Variants in PRICKLE1 observed in about 807,000 individuals in gnomAD.
The protein encoded by PRICKLE1 is prickle-like protein 1.
Under a neutral mutation model 70.2 loss-of-function variants are expected in PRICKLE1, and 14 were observed. The observed-to-expected ratio is 0.20, with a 90% CI of 0.13 to 0.31. The LOEUF is 0.31. Among genes scored for constraint, PRICKLE1 ranks in the 10% least tolerant of loss-of-function variants. The pLI is 1.00. For missense variants in PRICKLE1, 821 were observed against 1,026.2 expected, an observed-to-expected ratio of 0.80 and a Z score of 2.73; for synonymous variants, 357 against 379.9, an observed-to-expected ratio of 0.94 and a Z score of 0.70.
rs370013528 is a variant in PRICKLE1 at position 42,465,011 on chromosome 12, C to G, written c.1023G>C (p.Arg341=). ...GAGACTGTCTACACTGATCTGCTGA[C>G]CGGCTGCTCTTGCCCATTCGGACAC... ...RRSVRMGKSS[R]SADQCRQSLL... The change falls in exon 7 of 8, where the codon CGG becomes CGC. Residue 341 remains arginine, a synonymous_variant. Coordinates refer to ENST00000345127, the MANE Select transcript of PRICKLE1 (RefSeq NM_153026.3). 1.2e-6 allele frequency: 2 copies of G among 1,605,692 alleles called. No homozygotes were observed. The highest frequency in any genetic ancestry group is 2.7e-5 in the African/African-American group (2 of 74,512).
intron 1 of PRICKLE1, among the ~76,000 whole-genome samples, chr12:42,494,256 T>C (rs1796352): frequency 0.2 from 29,859 of 152,142 alleles, 4,076 homozygotes; most frequent in African/African-American, 0.39. Flanking sequence ...TATAAGGAAA[T>C]GATGAAGTTT....
chr12:42,485,120 T>C lies in PRICKLE1; in HGVS notation c.-48-12556A>G, dbSNP rs189528461. Among the ~76,000 whole-genome samples, 47 of 151,954 alleles carry C rather than the reference T, an allele frequency of 3.1e-4. 1 individual carries two copies. Among genetic ancestry groups the C allele is most frequent in the Admixed American group, 3.0e-3 (46 of 15,250 alleles). On this transcript the variant is annotated intron_variant, in intron 1 of 7. Transcript: ENST00000345127. ...GGTTCTACAGTATACACGTGAACAA[T>C]AGCTCATTGTAACTGTGATTTAAAA...
intron 1 of PRICKLE1, among the ~76,000 whole-genome samples, chr12:42,495,431 C>G (rs926140018): frequency 1.3e-5 from 2 of 150,760 alleles, no homozygotes; most frequent in African/African-American, 4.9e-5. Flanking sequence ...GTTGCGTCAC[C>G]TCACTATGTT....
chr12:42,480,149 G>GT (rs1566093358), intron 1 of PRICKLE1, among the ~76,000 whole-genome samples: 2 of 152,110 alleles, frequency 1.3e-5, no homozygotes, highest in Non-Finnish European at 2.9e-5. Flanking sequence ...CTTTTTGTAG[G>GT]TTTTTTTCTC....
rs1037454529 is a variant in PRICKLE1, at chr12:42,522,223, G to A, written c.-48-49659C>T. Among the ~76,000 whole-genome samples, 9 of 151,970 alleles carry A rather than the reference G, an allele frequency of 5.9e-5. 1 individual carries two copies. Among genetic ancestry groups the A allele is most frequent in the African/African-American group, 1.9e-4 (8 of 41,368 alleles). ...ACACCAGACCTCAGGTGATCCACCCGCCTCAGCCTCCCAAAGTGCTGGTAT... is the reference window on the plus strand; with the variant it reads ...ACACCAGACCTCAGGTGATCCACCCACCTCAGCCTCCCAAAGTGCTGGTAT... On this transcript the variant is annotated intron_variant, in intron 1 of 7. Coordinates refer to ENST00000345127, the MANE Select transcript of PRICKLE1 (RefSeq NM_153026.3).
intron 1 of PRICKLE1, among the ~76,000 whole-genome samples, chr12:42,557,700 T>G (rs1940434564): frequency 6.6e-6 from 1 of 152,254 alleles, no homozygotes; most frequent in African/African-American, 2.4e-5. Context: ...TGATTACAAT[T>G]CTGAGGTTTC....
intron 1 of PRICKLE1, among the ~76,000 whole-genome samples, chr12:42,499,865 T>C (rs755491325): frequency 7.2e-5 from 11 of 152,054 alleles, no homozygotes; most frequent in Non-Finnish European, 1.0e-4. Context: ...TTAGCTGGAA[T>C]TACAAGGGCC....
rs562912328 is a variant in PRICKLE1, at chr12:42,582,819, C to CT, written c.-49+6645dup. 3.7e-3 allele frequency among the ~76,000 whole-genome samples: 566 copies of CT among 151,688 alleles called. 6 individuals are homozygous for CT. The highest frequency in any genetic ancestry group is 0.012 in the African/African-American group (508 of 41,356). Reference sequence around the variant, plus strand: ...TGAGATTTGTGTGTGTGTGTGATTTCTTTTTTTTATTTAGCTCACCAGCCA... The same window carrying CT: ...TGAGATTTGTGTGTGTGTGTGATTTCTTTTTTTTTATTTAGCTCACCAGCCA... On this transcript the variant is annotated intron_variant, in intron 1 of 7. Coordinates refer to ENST00000345127, the MANE Select transcript of PRICKLE1 (RefSeq NM_153026.3).
chr12:42,497,314 G>A (rs1939221663), intron 1 of PRICKLE1, among the ~76,000 whole-genome samples: 1 of 152,122 alleles, frequency 6.6e-6, no homozygotes, highest in Admixed American at 6.5e-5. Flanking sequence ...GGGAGGCCAG[G>A]GCGGGCGGAT....
intron 1 of PRICKLE1, among the ~76,000 whole-genome samples, chr12:42,527,091 G>GTA (rs1939815796): frequency 1.3e-5 from 2 of 149,002 alleles, no homozygotes; most frequent in Admixed American, 6.7e-5. Flanking sequence ...GTGGAAAAGG[G>GTA]TACAATTTAA....
At chr12:42,523,574 T>C (rs539997220) in intron 1 of PRICKLE1, among the ~76,000 whole-genome samples, 15 of 152,338 alleles carry the variant, frequency 9.8e-5, no homozygotes, top group African/African-American at 3.4e-4. Flanking sequence ...CAATGAATTT[T>C]CACAGACATG....
At chr12:42,527,916 A>AC (rs1259916068) in intron 1 of PRICKLE1, among the ~76,000 whole-genome samples, 26 of 20,164 alleles carry the variant, frequency 1.3e-3, no homozygotes, top group Middle Eastern at 0.024. Context: ...TACTCTTTAT[A>AC]ATATATATAT....
chr12:42,501,396 G>A (rs1427344391), intron 1 of PRICKLE1, among the ~76,000 whole-genome samples: 1 of 151,290 alleles, frequency 6.6e-6, no homozygotes, highest in Non-Finnish European at 1.5e-5. Context: ...TGTAGTCCCA[G>A]CTACTCAGGA....
intron 1 of PRICKLE1, among the ~76,000 whole-genome samples, chr12:42,474,509 G>A (rs963663665): frequency 6.6e-6 from 1 of 152,132 alleles, no homozygotes; most frequent in African/African-American, 2.4e-5. Flanking sequence ...CACTACCATT[G>A]GGAGGTTATG....
intron 3 of PRICKLE1, chr12:42,469,994 T>C (rs1938250854): frequency 3.9e-6 from 2 of 516,438 alleles, no homozygotes; most frequent in Non-Finnish European, 6.9e-6. Context: ...CTCAGGAATT[T>C]GTAGGTTCCT....
chr12:42,473,010 T>C (rs1938385601), intron 1 of PRICKLE1, among the ~76,000 whole-genome samples: 1 of 152,200 alleles, frequency 6.6e-6, no homozygotes, highest in Non-Finnish European at 1.5e-5. Flanking sequence ...TCGGCACCCC[T>C]GTATTTCCTA....
At chr12:42,476,092 C>CG (rs1938518159) in intron 1 of PRICKLE1, among the ~76,000 whole-genome samples, 2 of 101,750 alleles carry the variant, frequency 2.0e-5, no homozygotes, top group Admixed American at 1.0e-4. Flanking sequence ...AACTCCGTCT[C>CG]AAAAAAAAAA....
intron 1 of PRICKLE1, among the ~76,000 whole-genome samples, chr12:42,506,498 C>G (rs1939419553): frequency 6.6e-6 from 1 of 150,504 alleles, no homozygotes; most frequent in African/African-American, 2.4e-5. Flanking sequence ...CCCAGGTGAC[C>G]CACCCACCTC....
At chr12:42,494,678 C>T (rs1007477299) in intron 1 of PRICKLE1, among the ~76,000 whole-genome samples, 2 of 151,488 alleles carry the variant, frequency 1.3e-5, no homozygotes, top group African/African-American at 2.4e-5. Flanking sequence ...GTGGTGGCAC[C>T]CACTTGTAGT....
Sources: gnomAD v4.1 joint callset for allele counts (sites outside exome capture counted in the v4.1 genomes callset) on GRCh38, gnomAD v4.1.1 for gene constraint, MANE v1.5 for transcripts, NCBI Gene and HGNC (gene_info 2026-07-23, HGNC 2026-07-21) for gene names.